The following ELAPOR2 variants were observed in gnomAD, a reference collection of about 807,000 sequenced individuals.
ELAPOR2 encodes endosome-lysosome associated apoptosis and autophagy regulator family member 2.
ELAPOR2 carries 89 observed loss-of-function variants against 120.7 expected under a neutral mutation model. That is an observed-to-expected ratio of 0.74 (90% CI 0.62 to 0.88). The LOEUF (loss-of-function observed/expected upper bound fraction) is 0.88. Among genes scored for constraint, ELAPOR2 ranks in the 40% least tolerant of loss-of-function variants. The pLI is 0.00. For missense variants in ELAPOR2, 1,134 were observed against 1,251.6 expected (o/e 0.91, Z 1.42); for synonymous variants, 444 against 444.9 (o/e 1.00, Z 0.03).
chr7:87,053,438 A>G (rs1795174599), intron 1 of ELAPOR2, among the ~76,000 whole-genome samples: 1 of 152,196 alleles, frequency 6.6e-6, no homozygotes, highest in South Asian at 2.1e-4. Context: ...TGTGTGATTT[A>G]GAAAATAGTG....
intron 8 of ELAPOR2, among the ~76,000 whole-genome samples, chr7:86,928,703 T>C (rs1790190310): frequency 6.6e-6 from 1 of 151,926 alleles, no homozygotes; most frequent in Non-Finnish European, 1.5e-5. Context: ...TAATAAAATA[T>C]GCAAATATAT....
At chr7:86,944,652 C>T (rs1033730500) in intron 4 of ELAPOR2, among the ~76,000 whole-genome samples, 4 of 151,986 alleles carry the variant, frequency 2.6e-5, no homozygotes, top group Non-Finnish European at 4.4e-5. Context: ...ATGAGCATAA[C>T]TAAAAGTTAA....
At chr7:87,027,296 AGT>A (rs1479947064) in intron 1 of ELAPOR2, among the ~76,000 whole-genome samples, 1 of 152,162 alleles carries the variant, frequency 6.6e-6, no homozygotes, top group African/African-American at 2.4e-5. Context: ...TAATTTGGCA[AGT>A]GTTCATTTTA....
intron 21 of ELAPOR2, among the ~76,000 whole-genome samples, chr7:86,886,071 C>A (rs1237096452): frequency 6.6e-6 from 1 of 152,098 alleles, no homozygotes; most frequent in Non-Finnish European, 1.5e-5. Context: ...AGTCAGAAGT[C>A]TCCATATCAA....
At chr7:86,884,960 G>A (rs970733038) in intron 21 of ELAPOR2, among the ~76,000 whole-genome samples, 6 of 152,182 alleles carry the variant, frequency 3.9e-5, no homozygotes, top group African/African-American at 9.7e-5. Context: ...AGCTTTCCCT[G>A]AGACTGATTC....
At position 86,880,088 on chromosome 7, in the gene ELAPOR2, C is replaced by T. The variant is rs1473918115; in HGVS notation, c.*383G>A. 1.2e-5 allele frequency: 2 copies of T among 170,868 alleles called. No individual in the cohort carries two copies. The highest frequency in any genetic ancestry group is 6.3e-5 in the Admixed American group (1 of 15,842). The allele number at this position is 170,868 out of a possible 1,614,324, so 10.6% of individuals were successfully genotyped here. A position where few individuals can be genotyped will look rare whatever the true frequency, so the allele number is the denominator to read the frequency against. On this transcript the variant is annotated 3_prime_UTR_variant, in exon 22 of 22. Coordinates refer to ENST00000450689, the MANE Select transcript of ELAPOR2 (RefSeq NM_001142749.3). ...CATAAATTGGATCATAATGCATATG[C>T]TCACATGTGCCTTCCAAATCACACT... is the stretch of plus-strand genomic sequence containing the variant.
chr7:86,962,183 T>C (rs894022338), intron 2 of ELAPOR2, among the ~76,000 whole-genome samples: 1 of 152,176 alleles, frequency 6.6e-6, no homozygotes, highest in Non-Finnish European at 1.5e-5. Flanking sequence ...AGCTTGCCAA[T>C]CAATTATCTG....
chr7:86,903,695 G>C (rs904994681), intron 18 of ELAPOR2, among the ~76,000 whole-genome samples: 3 of 152,156 alleles, frequency 2.0e-5, no homozygotes, highest in Non-Finnish European at 4.4e-5. Flanking sequence ...CCTTTTGTGA[G>C]ATTCAATATT....
intron 1 of ELAPOR2, among the ~76,000 whole-genome samples, chr7:87,022,068 AATTT>A (rs1000654245): frequency 5.9e-5 from 9 of 152,042 alleles, no homozygotes. Flanking sequence ...ACTAAACTAA[AATTT>A]ATTTATTTAT....
At chr7:86,983,841 A>G (rs10952893) in intron 1 of ELAPOR2, among the ~76,000 whole-genome samples, 57,481 of 151,972 alleles carry the variant, frequency 0.38, 11,717 homozygotes, top group African/African-American at 0.53. Context: ...CAACAATATT[A>G]ACCTTAAATG....
chr7:86,990,484 C>T (rs985599772), intron 1 of ELAPOR2, among the ~76,000 whole-genome samples: 1 of 152,154 alleles, frequency 6.6e-6, no homozygotes, highest in Non-Finnish European at 1.5e-5. Flanking sequence ...CCAGATGCCA[C>T]CCCTTGACCT....
chr7:87,055,172 T>A (rs949538154), intron 1 of ELAPOR2, among the ~76,000 whole-genome samples: 6 of 152,154 alleles, frequency 3.9e-5, no homozygotes, highest in Non-Finnish European at 7.3e-5. Flanking sequence ...AACTGCCTAC[T>A]CAACAGCTCT....
intron 1 of ELAPOR2, among the ~76,000 whole-genome samples, chr7:86,995,695 T>C (rs944881384): frequency 1.3e-4 from 20 of 152,118 alleles, no homozygotes; most frequent in African/African-American, 4.8e-4. Context: ...GAGTGGAAGG[T>C]AAGGTTAGAT....
At chr7:86,961,558 A>G (rs1256675846) in intron 2 of ELAPOR2, among the ~76,000 whole-genome samples, 1 of 152,222 alleles carries the variant, frequency 6.6e-6, no homozygotes, top group Non-Finnish European at 1.5e-5. Flanking sequence ...CCCAAATGAG[A>G]AAGAAAGAGA....
chr7:87,051,355 T>C (rs1486933967), intron 1 of ELAPOR2, among the ~76,000 whole-genome samples: 1 of 152,194 alleles, frequency 6.6e-6, no homozygotes, highest in Non-Finnish European at 1.5e-5. Flanking sequence ...CGTATAACTT[T>C]TATAGTTAGA....
intron 1 of ELAPOR2, among the ~76,000 whole-genome samples, chr7:87,021,610 C>T (rs1794043019): frequency 6.6e-6 from 1 of 152,260 alleles, no homozygotes; most frequent in African/African-American, 2.4e-5. Flanking sequence ...GAAATAGATA[C>T]AGAATACCTG....
chr7:87,033,357 C>T (rs10487067), intron 1 of ELAPOR2, among the ~76,000 whole-genome samples: 3,700 of 152,148 alleles, frequency 0.024, 171 homozygotes, highest in African/African-American at 0.085. Flanking sequence ...ACTGACAAAA[C>T]GTTAGAATTA....
chr7:86,942,241 C>T (rs1790830260), intron 4 of ELAPOR2, 137 bp from the exon 5 acceptor site: 2 of 533,736 alleles, frequency 3.7e-6, no homozygotes, highest in African/African-American at 3.8e-5. Context: ...AATAAGTAAA[C>T]ATACCGAGAC....
rs114210655 is a variant in ELAPOR2, at chr7:87,033,020, A to T, written c.189+26305T>A. ...GTGAAAATGATTGGCTACTGGGAAA[A>T]ACTGTAAATAGCTGCCTGGTACACC... On this transcript the variant is annotated intron_variant, in intron 1 of 21. Coordinates refer to ENST00000450689, the MANE Select transcript of ELAPOR2 (RefSeq NM_001142749.3). 7.1e-3 allele frequency among the ~76,000 whole-genome samples: 1,087 copies of T among 152,292 alleles called. 16 individuals are homozygous for T. The highest frequency in any genetic ancestry group is 0.025 in the African/African-American group (1,034 of 41,560).
Sources: gnomAD v4.1 joint callset for allele counts (sites outside exome capture counted in the v4.1 genomes callset) on GRCh38, gnomAD v4.1.1 for gene constraint, MANE v1.5 for transcripts, NCBI Gene and HGNC (gene_info 2026-07-23, HGNC 2026-07-21) for gene names.